NNMT: variants seen among roughly 807,000 people sequenced by gnomAD.
The protein encoded by NNMT is nicotinamide N-methyltransferase.
NNMT carries 10 observed loss-of-function variants against 11.7 expected under a neutral mutation model. The observed-to-expected ratio is 0.85, with a 90% CI of 0.53 to 1.45. The LOEUF (loss-of-function observed/expected upper bound fraction) is 1.45. NNMT is among the 40% of genes most tolerant of loss of function. NNMT has a pLI of 0.00. For synonymous variants in NNMT, 143 were observed against 133.8 expected, an observed-to-expected ratio of 1.07 and a Z score of -0.48; for missense variants, 381 against 319.4, an observed-to-expected ratio of 1.19 and a Z score of -1.47.
chr11:114,303,044 G>A (rs1298419924), intron 2 of NNMT, among the ~76,000 whole-genome samples: 1 of 152,042 alleles, frequency 6.6e-6, no homozygotes, highest in Non-Finnish European at 1.5e-5. Context: ...CCCAGTCTAT[G>A]GTATTCTGTT....
intron 2 of NNMT, among the ~76,000 whole-genome samples, chr11:114,268,218 C>A (rs1945136974): frequency 6.6e-6 from 1 of 152,164 alleles, no homozygotes; most frequent in South Asian, 2.1e-4. Flanking sequence ...TCAACAGTGA[C>A]CTTGTTTCCT....
At chr11:114,308,092 T>C (rs1166658600) in intron 2 of NNMT, among the ~76,000 whole-genome samples, 3 of 152,156 alleles carry the variant, frequency 2.0e-5, no homozygotes, top group East Asian at 1.9e-4. Context: ...CTGAACATAG[T>C]AGAGGTTCAA....
intron 2 of NNMT, among the ~76,000 whole-genome samples, chr11:114,274,868 C>G (rs1945203250): frequency 6.6e-6 from 1 of 152,206 alleles, no homozygotes; most frequent in African/African-American, 2.4e-5. Flanking sequence ...GACCCTAAAC[C>G]TGTGGAAGCT....
chr11:114,266,539 C>T (rs1591825126), intron 2 of NNMT, among the ~76,000 whole-genome samples: 1 of 151,486 alleles, frequency 6.6e-6, no homozygotes, highest in Admixed American at 6.6e-5. Flanking sequence ...CCCACCCCCA[C>T]CCCCAGTCCC....
intron 2 of NNMT, among the ~76,000 whole-genome samples, chr11:114,304,730 T>C (rs967013896): frequency 1.3e-5 from 2 of 152,172 alleles, no homozygotes; most frequent in Admixed American, 6.5e-5. Flanking sequence ...TATTCCCAGC[T>C]ACTGGGGAGG....
At chr11:114,262,048 G>A (rs1945087487) in intron 1 of NNMT, among the ~76,000 whole-genome samples, 1 of 152,282 alleles carries the variant, frequency 6.6e-6, no homozygotes, top group South Asian at 2.1e-4. Context: ...ACCCTGGGAC[G>A]TGACAGTAAA....
chr11:114,262,451 C>T (rs1214143235), intron 1 of NNMT, among the ~76,000 whole-genome samples: 2 of 152,186 alleles, frequency 1.3e-5, no homozygotes, highest in Admixed American at 6.5e-5. Flanking sequence ...TGAGAACATG[C>T]GGTGTTTGGT....
intron 2 of NNMT, among the ~76,000 whole-genome samples, chr11:114,266,753 T>C (rs1591825202): frequency 6.6e-6 from 1 of 152,232 alleles, no homozygotes. Flanking sequence ...GATAGTGGCT[T>C]TGTTAGAAAA....
At chr11:114,284,822 T>A (rs187514927) in intron 2 of NNMT, among the ~76,000 whole-genome samples, 1 of 123,256 alleles carries the variant, frequency 8.1e-6, no homozygotes, top group Admixed American at 1.1e-4. Context: ...CAGGCTGGGG[T>A]GCAGTGGTGT....
Position 114,296,674 on chromosome 11 carries a change from CA to C in NNMT, c.119del (p.His40ProfsTer3), listed in dbSNP as rs756494056. 1.9e-6 allele frequency: 3 copies of C among 1,614,062 alleles called. No individual in the cohort carries two copies. In the African/African-American group the frequency reaches 4.0e-5, roughly 22 times the overall value. ...RHSAESQILK[H>X]LLKNLFKIFC... ...CTCTGCAGAAAGCCAGATTCTTAAG[CA>C]CCTTCTGAAAAATCTTTTCAAGATA... is the stretch of plus-strand genomic sequence containing the variant. On this transcript the variant is annotated frameshift_variant, in exon 1 of 3. Coordinates refer to ENST00000299964, the MANE Select transcript of NNMT (RefSeq NM_006169.3). LOFTEE classifies it high-confidence loss of function.
At chr11:114,290,326 G>A (rs1235550996) in intron 2 of NNMT, among the ~76,000 whole-genome samples, 3 of 152,166 alleles carry the variant, frequency 2.0e-5, no homozygotes, top group African/African-American at 7.2e-5. Flanking sequence ...TCCTTAAAGA[G>A]CTGTTTCTTT....
chr11:114,273,490 TCTC>T (rs1288045780), intron 2 of NNMT, among the ~76,000 whole-genome samples: 1 of 152,258 alleles, frequency 6.6e-6, no homozygotes, highest in East Asian at 1.9e-4. Flanking sequence ...GACCCTATAG[TCTC>T]ATTTTAGTCC....
At chr11:114,293,696 T>G (rs1428905300), upstream of NNMT, among the ~76,000 whole-genome samples, 2 of 151,902 alleles carry the variant, frequency 1.3e-5, no homozygotes, top group Admixed American at 6.5e-5. Context: ...GGAATGTAAA[T>G]TAGTACAACC....
At chr11:114,305,341 C>CTT (rs34437402) in intron 2 of NNMT, among the ~76,000 whole-genome samples, 37 of 146,642 alleles carry the variant, frequency 2.5e-4, no homozygotes, top group East Asian at 4.0e-4. Context: ...GTGGCTCCTC[C>CTT]TTTTTTTTTT....
intron 2 of NNMT, among the ~76,000 whole-genome samples, chr11:114,263,352 C>G (rs1300908546): frequency 6.6e-6 from 1 of 152,174 alleles, no homozygotes; most frequent in African/African-American, 2.4e-5. Context: ...CTACTTAGCT[C>G]TTTAGAAATG....
chr11:114,285,485 T>C (rs1945291619), intron 2 of NNMT, among the ~76,000 whole-genome samples: 1 of 152,232 alleles, frequency 6.6e-6, no homozygotes, highest in Admixed American at 6.5e-5. Flanking sequence ...TTAAGGCTCA[T>C]ATTAATCAGC....
chr11:114,270,900 G>A (rs186425798), intron 2 of NNMT, among the ~76,000 whole-genome samples: 350 of 151,730 alleles, frequency 2.3e-3, no homozygotes, highest in Non-Finnish European at 4.0e-3. Flanking sequence ...TCAGCCTCCC[G>A]AGTAGCTGGG....
rs764954239 is a variant in NNMT, at chr11:114,312,338, AG to A, written c.658del (p.Ala220GlnfsTer2). On this transcript the variant is annotated frameshift_variant, in exon 3 of 3. Transcript: ENST00000299964. LOFTEE classifies it low-confidence loss of function (END_TRUNC). ...TTCTCCAGCCTCCCCCTGGGCCGGG[AG>A]GCAGTAGAGGCTGCTGTGAAAGAGG... The part of the protein sequence containing the change: ...QKFSSLPLGR[E>X]AVEAAVKEAG... The A allele has an allele frequency of 1.1e-5, 18 of 1,614,086 alleles. No homozygotes were observed. Among genetic ancestry groups the A allele is most frequent in the Non-Finnish European group, 1.4e-5 (17 of 1,180,028 alleles).
At chr11:114,269,280 C>T (rs1181831670) in intron 2 of NNMT, among the ~76,000 whole-genome samples, 1 of 152,098 alleles carries the variant, frequency 6.6e-6, no homozygotes, top group Non-Finnish European at 1.5e-5. Context: ...TTCTGTTCTC[C>T]TTGCCAGAAA....
Sources: gnomAD v4.1 joint callset for allele counts (sites outside exome capture counted in the v4.1 genomes callset) on GRCh38, gnomAD v4.1.1 for gene constraint, MANE v1.5 for transcripts, NCBI Gene and HGNC (gene_info 2026-07-23, HGNC 2026-07-21) for gene names.